ASTN1: variants seen among roughly 807,000 people sequenced by gnomAD.
The protein encoded by ASTN1 is astrotactin 1.
ASTN1 carries 41 observed loss-of-function variants against 140.7 expected under a neutral mutation model. The observed-to-expected ratio is 0.29, with a 90% CI of 0.23 to 0.38. The LOEUF is 0.38. Among genes scored for constraint, ASTN1 ranks in the 10% least tolerant of loss-of-function variants. ASTN1 has a pLI of 1.00. For synonymous variants in ASTN1, 640 were observed against 652.2 expected, an observed-to-expected ratio of 0.98 and a Z score of 0.29; for missense variants, 1,479 against 1,678.8, an observed-to-expected ratio of 0.88 and a Z score of 2.08.
chr1:177,021,408 C>A (rs1177226501), intron 7 of ASTN1, among the ~76,000 whole-genome samples: 1 of 152,186 alleles, frequency 6.6e-6, no homozygotes, highest in African/African-American at 2.4e-5. Context: ...AGACAAGCAG[C>A]TTCCTGGCAC....
At chr1:176,950,536 A>C (rs1672151237) in intron 11 of ASTN1, among the ~76,000 whole-genome samples, 1 of 152,168 alleles carries the variant, frequency 6.6e-6, no homozygotes, top group East Asian at 1.9e-4. Context: ...TAAGGACACC[A>C]TTAACATTGC....
chr1:177,077,291 A>G (rs1678964283), intron 1 of ASTN1, among the ~76,000 whole-genome samples: 1 of 152,014 alleles, frequency 6.6e-6, no homozygotes, highest in Non-Finnish European at 1.5e-5. Flanking sequence ...CTCCAATTGC[A>G]GTCACATTTT....
intron 2 of ASTN1, among the ~76,000 whole-genome samples, chr1:177,056,800 C>T (rs1430914905): frequency 1.3e-5 from 2 of 152,032 alleles, no homozygotes; most frequent in African/African-American, 4.8e-5. Context: ...AGCACAAGTA[C>T]AATAAGAAAA....
intron 11 of ASTN1, 37 bp from the exon 12 acceptor site, chr1:176,949,388 A>G (rs1229830306): frequency 4.4e-6 from 7 of 1,591,256 alleles, no homozygotes; most frequent in South Asian, 2.2e-5. Context: ...ACGTGGGTGA[A>G]TCGGGGAACT....
chr1:176,919,352 T>C (rs1053201852), intron 16 of ASTN1, among the ~76,000 whole-genome samples: 2 of 152,216 alleles, frequency 1.3e-5, no homozygotes, highest in African/African-American at 4.8e-5. Flanking sequence ...TCATTAATGA[T>C]CTCTACCAGC....
chr1:177,125,278 G>C (rs1399153154), intron 1 of ASTN1, among the ~76,000 whole-genome samples: 3 of 152,184 alleles, frequency 2.0e-5, no homozygotes, highest in African/African-American at 7.2e-5. Flanking sequence ...TCCAAGTATA[G>C]AGATTAATTT....
chr1:176,928,201 T>A (rs1671052478), intron 16 of ASTN1, among the ~76,000 whole-genome samples: 1 of 152,064 alleles, frequency 6.6e-6, no homozygotes, highest in Admixed American at 6.6e-5. Context: ...TTCACTTCCA[T>A]TGGCTAGGAA....
intron 12 of ASTN1, among the ~76,000 whole-genome samples, chr1:176,946,423 A>C (rs770126690): frequency 6.6e-6 from 1 of 152,202 alleles, no homozygotes; most frequent in Non-Finnish European, 1.5e-5. Flanking sequence ...CAGGGTAAGA[A>C]TCACTGAAGA....
rs1325614753 is a variant in ASTN1 at position 176,862,140 on chromosome 1, CT to C, written c.*2143del. The C allele has an allele frequency of 1.5e-5, 15 of 985,448 alleles. No homozygotes were observed. The African/African-American group carries it at 2.4e-4, about 16-fold the overall frequency. The allele number at this position is 985,448 out of a possible 1,614,324, so 61.0% of individuals were successfully genotyped here. On this transcript the variant is annotated 3_prime_UTR_variant, in exon 23 of 23. Coordinates refer to ENST00000361833, the MANE Select transcript of ASTN1 (RefSeq NM_004319.3). ...TCTGGCAATGGTGAAATATTTGCCC[CT>C]TGAGGCACTTTAACTGAGGCTCCAG... is the stretch of plus-strand genomic sequence containing the variant.
intron 6 of ASTN1, 36 bp from the exon 7 acceptor site, chr1:177,023,607 G>A (rs1197644049): frequency 6.5e-7 from 1 of 1,528,550 alleles, no homozygotes; most frequent in East Asian, 2.3e-5. Context: ...GCCTATATGT[G>A]CAACACAGCA....
intron 8 of ASTN1, among the ~76,000 whole-genome samples, chr1:176,985,040 C>T (rs930264853): frequency 2.0e-5 from 3 of 152,206 alleles, no homozygotes; most frequent in African/African-American, 7.2e-5. Context: ...GGTGGGAAAG[C>T]AACTTTGTGC....
chr1:177,086,328 A>G (rs931544980), intron 1 of ASTN1, among the ~76,000 whole-genome samples: 7 of 152,096 alleles, frequency 4.6e-5, no homozygotes, highest in Non-Finnish European at 8.8e-5. Context: ...CTCATTGTCA[A>G]CTAGTGTTAG....
intron 7 of ASTN1, among the ~76,000 whole-genome samples, chr1:177,021,116 A>T (rs776098206): frequency 3.3e-5 from 5 of 152,248 alleles, no homozygotes; most frequent in Non-Finnish European, 7.3e-5. Context: ...GGATGACCAC[A>T]TCACCAATGC....
chr1:177,004,841 G>A (rs1202660944), intron 8 of ASTN1, among the ~76,000 whole-genome samples: 1 of 152,090 alleles, frequency 6.6e-6, no homozygotes, highest in Non-Finnish European at 1.5e-5. Context: ...ATGGATTAAA[G>A]GCTTAAATCT....
chr1:177,054,661 G>A (rs1251122220), intron 2 of ASTN1, among the ~76,000 whole-genome samples: 4 of 152,212 alleles, frequency 2.6e-5, no homozygotes, highest in African/African-American at 7.2e-5. Flanking sequence ...TAAGGAGTTA[G>A]AATAAGGGAG....
At chr1:176,960,773 C>T (rs1672624282) in intron 9 of ASTN1, among the ~76,000 whole-genome samples, 1 of 152,170 alleles carries the variant, frequency 6.6e-6, no homozygotes, top group African/African-American at 2.4e-5. Context: ...TTTCTCACCT[C>T]TTTGCTTTTG....
At chr1:176,878,683 A>C (rs988908204) in intron 20 of ASTN1, among the ~76,000 whole-genome samples, 1 of 149,760 alleles carries the variant, frequency 6.7e-6, no homozygotes, top group Non-Finnish European at 1.5e-5. Context: ...GTCAGCACCA[A>C]CTCCCTCCTC....
intron 11 of ASTN1, among the ~76,000 whole-genome samples, chr1:176,955,237 T>A (rs1233062694): frequency 1.3e-5 from 2 of 152,118 alleles, no homozygotes; most frequent in African/African-American, 4.8e-5. Context: ...CTGCAGGTGG[T>A]TCAGCTGATA....
chr1:177,026,759 G>A (rs1001690846), intron 5 of ASTN1, among the ~76,000 whole-genome samples: 1 of 152,074 alleles, frequency 6.6e-6, no homozygotes, highest in Admixed American at 6.6e-5. Context: ...CTCATTTTGT[G>A]TCCAAAACTT....
Sources: gnomAD v4.1 joint callset for allele counts (sites outside exome capture counted in the v4.1 genomes callset) on GRCh38, gnomAD v4.1.1 for gene constraint, MANE v1.5 for transcripts, NCBI Gene and HGNC (gene_info 2026-07-23, HGNC 2026-07-21) for gene names.